Variants in C8orf34 observed in about 807,000 individuals in gnomAD.
C8orf34 encodes chromosome 8 open reading frame 34, also known as uncharacterized protein C8orf34.
In C8orf34, 65 loss-of-function variants were observed where a neutral mutation model predicts 68.3. That is an observed-to-expected ratio of 0.95 (90% CI 0.78 to 1.17). The LOEUF (loss-of-function observed/expected upper bound fraction) is 1.17. Among genes scored for constraint, C8orf34 ranks in the 50% most tolerant of loss-of-function variants. The probability of loss-of-function intolerance (pLI) is 0.00; values close to 1 mark genes in which losing one functional copy is unlikely to be tolerated. For missense variants in C8orf34, 664 were observed against 655.4 expected (o/e 1.01, Z -0.14); for synonymous variants, 244 against 241.2 (o/e 1.01, Z -0.11).
chr8:68,337,675 A>T (rs1018972755), intron 1 of C8orf34, among the ~76,000 whole-genome samples: 1 of 152,210 alleles, frequency 6.6e-6, no homozygotes, highest in South Asian at 2.1e-4. Context: ...GCACCTAGGG[A>T]ATCAGTATTT....
chr8:68,607,597 A>G (rs1325622703), intron 7 of C8orf34, among the ~76,000 whole-genome samples: 1 of 152,096 alleles, frequency 6.6e-6, no homozygotes, highest in African/African-American at 2.4e-5. Context: ...ACTTCAACAT[A>G]TGAAATTTGG....
In C8orf34 at chr8:68,353,961, C is replaced by T. The variant is rs553338524; in HGVS notation, c.327+22622C>T. Among the ~76,000 whole-genome samples the T allele has an allele frequency of 2.2e-4, 33 of 152,002 alleles. 1 individual carries two copies. The South Asian group carries it at 6.7e-3, about 31-fold the overall frequency. Reference sequence around the variant, plus strand: ...CAAGTGAGGTCCTGGAACCAATCCCCTTCTGCATCTGAGGGACAACTGTAT... The same window carrying T: ...CAAGTGAGGTCCTGGAACCAATCCCTTTCTGCATCTGAGGGACAACTGTAT... On this transcript the variant is annotated intron_variant, in intron 1 of 13. Coordinates refer to ENST00000518698, the MANE Select transcript of C8orf34 (RefSeq NM_052958.4).
chr8:68,674,847 G>T (rs1038690066), intron 8 of C8orf34, among the ~76,000 whole-genome samples: 2 of 149,828 alleles, frequency 1.3e-5, no homozygotes, highest in African/African-American at 5.0e-5. Flanking sequence ...ACATTTAATA[G>T]TCAAACTCCC....
At chr8:68,627,930 A>G (rs1356317614) in intron 7 of C8orf34, among the ~76,000 whole-genome samples, 2 of 152,194 alleles carry the variant, frequency 1.3e-5, no homozygotes. Context: ...AGAAAATCTC[A>G]GAAAGTTTTT....
chr8:68,704,350 C>T (rs903210671), intron 8 of C8orf34, among the ~76,000 whole-genome samples: 1 of 152,040 alleles, frequency 6.6e-6, no homozygotes, highest in Non-Finnish European at 1.5e-5. Flanking sequence ...TAGATATATT[C>T]TGCCAGAGGT....
chr8:68,562,953 T>C (rs949978110), intron 7 of C8orf34, among the ~76,000 whole-genome samples: 5 of 152,196 alleles, frequency 3.3e-5, no homozygotes, highest in African/African-American at 2.4e-5. Context: ...TGTCCATAAT[T>C]CCTGGATCTG....
At chr8:68,500,966 A>G (rs543199251) in intron 5 of C8orf34, among the ~76,000 whole-genome samples, 1 of 152,326 alleles carries the variant, frequency 6.6e-6, no homozygotes, top group South Asian at 2.1e-4. Context: ...CTTCAAAGAA[A>G]TAATTAGATG....
intron 10 of C8orf34, among the ~76,000 whole-genome samples, chr8:68,767,860 A>G (rs76043905): frequency 0.081 from 12,309 of 152,218 alleles, 1,009 homozygotes; most frequent in East Asian, 0.46. Flanking sequence ...GCAGCCAGTG[A>G]TACTAAATAC....
intron 6 of C8orf34, among the ~76,000 whole-genome samples, chr8:68,528,636 C>G (rs1407947742): frequency 6.6e-6 from 1 of 152,184 alleles, no homozygotes; most frequent in Non-Finnish European, 1.5e-5. Flanking sequence ...TGGCCAGTAT[C>G]ACTGAATTCA....
At chr8:68,530,645 C>G in intron 6 of C8orf34, 1 of 1,206,726 alleles carries the variant, frequency 8.3e-7, no homozygotes, top group Non-Finnish European at 1.1e-6. Context: ...TGGCAAGAGA[C>G]TGAAGCTAAA....
At chr8:68,516,302 C>T (rs1443229364) in intron 5 of C8orf34, among the ~76,000 whole-genome samples, 1 of 152,124 alleles carries the variant, frequency 6.6e-6, no homozygotes, top group South Asian at 2.1e-4. Flanking sequence ...CACATCTTTT[C>T]GTGTTTATTT....
At chr8:68,567,271 T>G (rs1381985348) in intron 7 of C8orf34, among the ~76,000 whole-genome samples, 1 of 152,160 alleles carries the variant, frequency 6.6e-6, no homozygotes, top group Non-Finnish European at 1.5e-5. Context: ...CTTTTTTTTG[T>G]TGGTAATTTT....
intron 7 of C8orf34, among the ~76,000 whole-genome samples, chr8:68,615,568 T>C (rs1818181169): frequency 1.3e-5 from 2 of 152,222 alleles, no homozygotes. Flanking sequence ...TTGACTTTGG[T>C]TCTGTTTATA....
At position 68,459,421 on chromosome 8, in the gene C8orf34, T is replaced by C. The variant is rs149124090; in HGVS notation, c.608-9271T>C. ...ATTTTTGTATTTTTTTTAGTAGAGA[T>C]GGGGTTTCTCCATGTTGGCCAGGCT... On this transcript the variant is annotated intron_variant, in intron 3 of 13. Coordinates refer to ENST00000518698, the MANE Select transcript of C8orf34 (RefSeq NM_052958.4). Among the ~76,000 whole-genome samples, 327 of 152,028 alleles carry C rather than the reference T, an allele frequency of 2.2e-3. 1 individual carries two copies. The highest frequency in any genetic ancestry group is 7.1e-3 in the African/African-American group (295 of 41,500).
intron 1 of C8orf34, among the ~76,000 whole-genome samples, chr8:68,408,735 T>C (rs1324425832): frequency 6.6e-6 from 1 of 152,172 alleles, no homozygotes; most frequent in African/African-American, 2.4e-5. Context: ...CATGTGTTTG[T>C]GGTGATGCTG....
At chr8:68,793,295 A>C (rs1824068578) in intron 12 of C8orf34, among the ~76,000 whole-genome samples, 1 of 152,208 alleles carries the variant, frequency 6.6e-6, no homozygotes, top group Non-Finnish European at 1.5e-5. Context: ...CTGAGAGTAA[A>C]TCTTGTGCCC....
At chr8:68,533,738 A>T (rs1815348545) in intron 7 of C8orf34, 1 of 943,116 alleles carries the variant, frequency 1.1e-6, no homozygotes, top group African/African-American at 1.8e-5. Context: ...AATGTAGTAT[A>T]TGTATGTTTT....
At chr8:68,370,525 T>A (rs370004820) in intron 1 of C8orf34, among the ~76,000 whole-genome samples, 32 of 152,298 alleles carry the variant, frequency 2.1e-4, no homozygotes, top group African/African-American at 7.5e-4. Flanking sequence ...ATTTTTAAAT[T>A]CTTTCATGAG....
intron 10 of C8orf34, among the ~76,000 whole-genome samples, chr8:68,729,315 G>T (rs1476692093): frequency 1.3e-5 from 2 of 152,106 alleles, no homozygotes; most frequent in Non-Finnish European, 2.9e-5. Flanking sequence ...ATAAATCCTG[G>T]ATGCTTTTGG....
Sources: allele counts gnomAD v4.1 joint callset (sites outside exome capture counted in the v4.1 genomes callset), GRCh38; gene constraint gnomAD v4.1.1; transcripts MANE v1.5; gene names NCBI Gene and HGNC (gene_info 2026-07-23, HGNC 2026-07-21).